SLC8A1: variants seen among roughly 807,000 people sequenced by gnomAD.
The protein encoded by SLC8A1 is solute carrier family 8 member A1.
A neutral mutation model predicts 68.3 loss-of-function variants in SLC8A1; 18 were observed. The observed-to-expected ratio is 0.26, with a 90% CI of 0.18 to 0.39. SLC8A1 has a LOEUF of 0.39. Ranked by LOEUF, SLC8A1 falls within the 10% of genes least tolerant of loss-of-function variation. The pLI is 1.00. For missense variants in SLC8A1, 985 were observed against 1,156.7 expected, an observed-to-expected ratio of 0.85 and a Z score of 2.15; for synonymous variants, 475 against 415.5, an observed-to-expected ratio of 1.14 and a Z score of -1.74.
At chr2:40,239,712 G>A (rs1282376003) in intron 2 of SLC8A1, among the ~76,000 whole-genome samples, 2 of 152,044 alleles carry the variant, frequency 1.3e-5, no homozygotes, top group African/African-American at 4.8e-5. Context: ...AAAAACTGGT[G>A]CATTCTTTCA....
chr2:40,269,333 A>G (rs547541058), intron 2 of SLC8A1, among the ~76,000 whole-genome samples: 10 of 152,356 alleles, frequency 6.6e-5, no homozygotes, highest in African/African-American at 2.4e-4. Context: ...GTACTATCTT[A>G]CAGTACACTG....
At chr2:40,290,431 A>G (rs2069097335) in intron 2 of SLC8A1, among the ~76,000 whole-genome samples, 1 of 152,106 alleles carries the variant, frequency 6.6e-6, no homozygotes. Context: ...ATCCCCTTCT[A>G]TAGAATATAT....
intron 2 of SLC8A1, among the ~76,000 whole-genome samples, chr2:40,278,030 A>C (rs2066996652): frequency 6.6e-6 from 1 of 152,046 alleles, no homozygotes; most frequent in African/African-American, 2.4e-5. Context: ...GGTTATCTGT[A>C]GGTATCTCAG....
chr2:40,380,165 A>G (rs1681277184), intron 2 of SLC8A1, among the ~76,000 whole-genome samples: 1 of 152,142 alleles, frequency 6.6e-6, no homozygotes, highest in Non-Finnish European at 1.5e-5. Flanking sequence ...AGGTAAACCG[A>G]ACAAGTATCC....
At chr2:40,354,640 T>G (rs1457888818) in intron 2 of SLC8A1, among the ~76,000 whole-genome samples, 2 of 152,208 alleles carry the variant, frequency 1.3e-5, no homozygotes, top group South Asian at 4.1e-4. Flanking sequence ...CATCTCATGC[T>G]ATTTTGGGAT....
At chr2:40,292,254 G>A (rs1410868579) in intron 2 of SLC8A1, among the ~76,000 whole-genome samples, 2 of 152,132 alleles carry the variant, frequency 1.3e-5, no homozygotes, top group African/African-American at 4.8e-5. Context: ...TACCCCTGAT[G>A]CTAATGTACA....
At chr2:40,467,612 A>G (rs1216640922) in intron 1 of SLC8A1, among the ~76,000 whole-genome samples, 1 of 152,138 alleles carries the variant, frequency 6.6e-6, no homozygotes, top group Non-Finnish European at 1.5e-5. Flanking sequence ...ATTAAAGGTC[A>G]TATAGTATGT....
intron 2 of SLC8A1, among the ~76,000 whole-genome samples, chr2:40,413,930 T>C (rs573867292): frequency 1.6e-4 from 25 of 152,304 alleles, no homozygotes; most frequent in South Asian, 8.3e-4. Flanking sequence ...GTAAAACAGA[T>C]TGATTTGCCA....
At chr2:40,431,271 C>T (rs1277613943) in intron 1 of SLC8A1, among the ~76,000 whole-genome samples, 3 of 150,804 alleles carry the variant, frequency 2.0e-5, no homozygotes, top group Admixed American at 2.0e-4. Flanking sequence ...TCATATTTTC[C>T]ATGGTCATTC....
At chr2:40,380,676 T>C (rs1362243238) in intron 2 of SLC8A1, among the ~76,000 whole-genome samples, 1 of 152,116 alleles carries the variant, frequency 6.6e-6, no homozygotes. Context: ...ATTATGTTAT[T>C]GCTACACTTA....
intron 2 of SLC8A1, among the ~76,000 whole-genome samples, chr2:40,235,168 G>A (rs1042458066): frequency 6.6e-6 from 1 of 151,718 alleles, no homozygotes; most frequent in Non-Finnish European, 1.5e-5. Context: ...AGTTTCAGAA[G>A]GAATGGTACC....
intron 6 of SLC8A1, among the ~76,000 whole-genome samples, chr2:40,141,225 G>A (rs1467771254): frequency 2.0e-5 from 3 of 152,134 alleles, no homozygotes; most frequent in South Asian, 2.1e-4. Flanking sequence ...TATGGTCTTC[G>A]TGAGACACTC....
chr2:40,290,860 A>C lies in SLC8A1; in HGVS notation c.1809-113005T>G, dbSNP rs147197437. Among the ~76,000 whole-genome samples, 1,041 of 152,278 alleles carry C rather than the reference A, an allele frequency of 6.8e-3. 15 individuals carry two copies. The highest frequency in any genetic ancestry group is 0.024 in the African/African-American group (981 of 41,570). ...ATATCCCTGTCTTCCCTTTTGATACATACCAGTTAAAAAACTGAACAGAAA... is the reference window on the plus strand; with the variant it reads ...ATATCCCTGTCTTCCCTTTTGATACCTACCAGTTAAAAAACTGAACAGAAA... On this transcript the variant is annotated intron_variant, in intron 2 of 7. Transcript: ENST00000406785.
intron 1 of SLC8A1, among the ~76,000 whole-genome samples, chr2:40,431,118 C>T (rs1698186290): frequency 6.6e-6 from 1 of 152,166 alleles, no homozygotes; most frequent in Admixed American, 6.5e-5. Flanking sequence ...TCTTCAAGCA[C>T]AGCTCTTCAC....
At chr2:40,285,761 GTTT>G (rs1440189925) in intron 2 of SLC8A1, among the ~76,000 whole-genome samples, 2 of 152,078 alleles carry the variant, frequency 1.3e-5, no homozygotes, top group Non-Finnish European at 2.9e-5. Context: ...TCATAATGTG[GTTT>G]TTAACAACAA....
intron 2 of SLC8A1, among the ~76,000 whole-genome samples, chr2:40,281,593 G>A (rs948959731): frequency 1.1e-4 from 16 of 152,140 alleles, no homozygotes; most frequent in Admixed American, 9.8e-4. Context: ...GCACTGCCTG[G>A]GGCCTTGGCA....
intron 1 of SLC8A1, among the ~76,000 whole-genome samples, chr2:40,439,877 G>A (rs528473647): frequency 6.6e-6 from 1 of 152,150 alleles, no homozygotes; most frequent in Non-Finnish European, 1.5e-5. Context: ...CTCTCCATCA[G>A]TGTTGTATGC....
intron 2 of SLC8A1, among the ~76,000 whole-genome samples, chr2:40,313,928 T>C (rs1361251582): frequency 6.6e-6 from 1 of 152,124 alleles, no homozygotes; most frequent in Non-Finnish European, 1.5e-5. Flanking sequence ...CTGATATAAA[T>C]ATTTTGTTAG....
chr2:40,339,031 A>G (rs967782081), intron 2 of SLC8A1, among the ~76,000 whole-genome samples: 1 of 152,224 alleles, frequency 6.6e-6, no homozygotes, highest in African/African-American at 2.4e-5. Context: ...CTATTGTGTC[A>G]ATAAAAATAA....
Sources: allele counts gnomAD v4.1 joint callset (sites outside exome capture counted in the v4.1 genomes callset), GRCh38; gene constraint gnomAD v4.1.1; transcripts MANE v1.5; gene names NCBI Gene and HGNC (gene_info 2026-07-23, HGNC 2026-07-21).